ZNF570: variants seen among roughly 807,000 people sequenced by gnomAD.
The protein encoded by ZNF570 is zinc finger protein 570.
ZNF570 carries 8 observed loss-of-function variants against 14.2 expected under a neutral mutation model. The ratio of observed to expected loss-of-function variants is 0.56; its 90% CI spans 0.33 to 1.02. The LOEUF (loss-of-function observed/expected upper bound fraction) is 1.02, where lower values mean the gene tolerates loss of function less well. ZNF570 is among the 50% of genes least tolerant of loss of function. The probability of loss-of-function intolerance (pLI) is 0.03; values close to 1 mark genes in which losing one functional copy is unlikely to be tolerated. For missense variants in ZNF570, 559 were observed against 624.9 expected (o/e 0.89, Z 1.12); for synonymous variants, 202 against 207.6 (o/e 0.97, Z 0.23).
At chr19:37,483,379 T>G (rs2042108955) in intron 4 of ZNF570, among the ~76,000 whole-genome samples, 1 of 152,226 alleles carries the variant, frequency 6.6e-6, no homozygotes. Flanking sequence ...CTGATTTTCT[T>G]TCTCTGAAGC....
intron 2 of ZNF570, among the ~76,000 whole-genome samples, chr19:37,472,825 A>G (rs1055167139): frequency 2.0e-5 from 3 of 151,916 alleles, no homozygotes; most frequent in Non-Finnish European, 4.4e-5. Flanking sequence ...AGAAAGATGG[A>G]TATATGTTGG....
At chr19:37,473,352 G>A (rs1446260841) in intron 2 of ZNF570, among the ~76,000 whole-genome samples, 1 of 152,200 alleles carries the variant, frequency 6.6e-6, no homozygotes, top group African/African-American at 2.4e-5. Context: ...TTAACCAAGT[G>A]AGTACAGTTA....
upstream of ZNF570, chr19:37,469,251 G>A (rs987155518): frequency 1.4e-5 from 20 of 1,387,376 alleles, no homozygotes; most frequent in East Asian, 8.2e-5. Context: ...GCCAGACACT[G>A]CGACGCCGCG....
chr19:37,476,856 C>A (rs891332933), intron 4 of ZNF570, among the ~76,000 whole-genome samples: 1 of 151,988 alleles, frequency 6.6e-6, no homozygotes, highest in Non-Finnish European at 1.5e-5. Context: ...ATTACAGGCA[C>A]ATGCCACCAC....
chr19:37,477,799 T>A (rs1169139763), intron 4 of ZNF570, among the ~76,000 whole-genome samples: 1 of 152,214 alleles, frequency 6.6e-6, no homozygotes, highest in Non-Finnish European at 1.5e-5. Context: ...ATTTAATTTC[T>A]GTATCTTATG....
At chr19:37,481,669 A>G (rs764853805) in intron 4 of ZNF570, among the ~76,000 whole-genome samples, 1 of 151,974 alleles carries the variant, frequency 6.6e-6, no homozygotes. Flanking sequence ...TTTTTATCTG[A>G]CCATTAATGG....
At chr19:37,478,175 G>T (rs757282355) in intron 4 of ZNF570, among the ~76,000 whole-genome samples, 25 of 151,992 alleles carry the variant, frequency 1.6e-4, no homozygotes, top group Non-Finnish European at 3.5e-4. Flanking sequence ...TATTTATTCT[G>T]TAATCAATTC....
At chr19:37,469,144 T>G (rs1408562220), upstream of ZNF570, 2 of 1,119,828 alleles carry the variant, frequency 1.8e-6, no homozygotes, top group African/African-American at 1.6e-5. Context: ...GAATCCGGAC[T>G]TTCGGGCTCT....
rs758696555 is a variant in ZNF570, at chr19:37,486,855, C to T, written c.*1622C>T. ...ATCAAGGAAGGAATAGAAATGGTCA[C>T]AATTAACCAAAAAAAATCAATAAAC... On this transcript the variant is annotated 3_prime_UTR_variant, in exon 5 of 5. Transcript: ENST00000330173. 6.6e-6 allele frequency: 1 copy of T among 152,066 alleles called. No individual in the cohort carries two copies. Among genetic ancestry groups the T allele is most frequent in the African/African-American group, 2.4e-5 (1 of 41,402 alleles). The allele number at this position is 152,066 out of a possible 1,614,324, so 9.4% of individuals were successfully genotyped here.
At chr19:37,469,272 C>T, upstream of ZNF570, 1 of 1,407,940 alleles carries the variant, frequency 7.1e-7, no homozygotes, top group East Asian at 2.6e-5. Context: ...ACCTTTTCTA[C>T]TCCGGACTAC....
At chr19:37,476,562 G>T in intron 4 of ZNF570, 128 bp downstream of exon 4, 1 of 1,318,058 alleles carries the variant, frequency 7.6e-7, no homozygotes, top group South Asian at 2.3e-5. Flanking sequence ...AAAAATTTGG[G>T]GCCATTTAGG....
rs2042154957 is a variant in ZNF570 at position 37,486,322 on chromosome 19, T to C, written c.*1089T>C. 6.6e-6 allele frequency: 1 copy of C among 152,184 alleles called. No individual in the cohort carries two copies. The highest frequency in any genetic ancestry group is 6.5e-5 in the Admixed American group (1 of 15,276). The allele number at this position is 152,184 out of a possible 1,614,324, so 9.4% of individuals were successfully genotyped here. ...TGCGTGACTTTGAGCAATTTGCTTA[T>C]CTAAACCTCAGGGTTTTCTTTAAAT... On this transcript the variant is annotated 3_prime_UTR_variant, in exon 5 of 5. Transcript: ENST00000330173.
chr19:37,484,588 A>G lies in ZNF570; in HGVS notation c.966A>G (p.Arg322=). 1.9e-6 allele frequency: 3 copies of G among 1,614,156 alleles called. No individual in the cohort carries two copies. Among genetic ancestry groups the G allele is most frequent in the Non-Finnish European group, 2.5e-6 (3 of 1,180,008 alleles). Residue 322 remains arginine, a synonymous_variant, in exon 5 of 5, where the codon AGA becomes AGG. Coordinates refer to ENST00000330173, the MANE Select transcript of ZNF570 (RefSeq NM_144694.5). ...SQFAYLAQHQ[R]VHTGEKPYEC... ...TTGCCTACCTTGCTCAACATCAGAG[A>G]GTTCACACGGGAGAGAAACCCTATG...
upstream of ZNF570, chr19:37,468,084 T>TG (rs2041881081): frequency 1.5e-6 from 1 of 685,948 alleles, no homozygotes; most frequent in Non-Finnish European, 2.4e-6. Context: ...TTTTTTTTTT[T>TG]GTTTGTTTTG....
intron 1 of ZNF570, 58 bp from the exon 2 acceptor site, chr19:37,470,246 G>A (rs2041933349): frequency 2.0e-6 from 3 of 1,514,516 alleles, no homozygotes; most frequent in Admixed American, 1.7e-5. Flanking sequence ...AGTCTAGACT[G>A]GTGATTCTGG....
chr19:37,476,327 T>G lies in ZNF570; in HGVS notation c.161-12T>G. The G allele has an allele frequency of 3.1e-6, 5 of 1,611,396 alleles. No individual in the cohort carries two copies. The highest frequency in any genetic ancestry group is 2.5e-6 in the Non-Finnish European group (3 of 1,179,176). On this transcript the variant is annotated splice_polypyrimidine_tract_variant and intron_variant, in intron 3 of 4. Transcript: ENST00000330173. ...CATGACAAAACTCTACTTTTTTTTT[T>G]CGTATTTGCAGGACTTTGCTTTTCC...
intron 2 of ZNF570, among the ~76,000 whole-genome samples, chr19:37,471,431 C>T (rs148063469): frequency 6.6e-6 from 1 of 152,278 alleles, no homozygotes; most frequent in Non-Finnish European, 1.5e-5. Context: ...TAACCAAAAA[C>T]GTTCATTCAT....
rs368632033 is a variant in ZNF570, at chr19:37,484,785, G to A, written c.1163G>A (p.Cys388Tyr). 3 of 1,613,900 alleles carry A rather than the reference G, an allele frequency of 1.9e-6. No individual in the cohort carries two copies. The highest frequency in any genetic ancestry group is 1.3e-5 in the African/African-American group (1 of 74,864). The change falls in exon 5 of 5, where the codon TGT becomes TAT. Residue 388 changes from cysteine to tyrosine, a missense_variant. Coordinates refer to ENST00000330173, the MANE Select transcript of ZNF570 (RefSeq NM_144694.5). ...RIHTGERPYE[C>Y]KECGKAFSQN... ...CATACTGGAGAGAGACCCTATGAATGTAAGGAATGTGGGAAGGCCTTTAGC... is the reference window on the plus strand; with the variant it reads ...CATACTGGAGAGAGACCCTATGAATATAAGGAATGTGGGAAGGCCTTTAGC...
intron 4 of ZNF570, among the ~76,000 whole-genome samples, chr19:37,477,695 T>C (rs2042044046): frequency 6.6e-6 from 1 of 152,210 alleles, no homozygotes; most frequent in Non-Finnish European, 1.5e-5. Context: ...TGAGTTCATA[T>C]AGATATCTGA....
Sources: gnomAD v4.1 joint callset for allele counts (sites outside exome capture counted in the v4.1 genomes callset) on GRCh38, gnomAD v4.1.1 for gene constraint, MANE v1.5 for transcripts, NCBI Gene and HGNC (gene_info 2026-07-23, HGNC 2026-07-21) for gene names.